ADAMTS1: variants seen among roughly 807,000 people sequenced by gnomAD.
The protein encoded by ADAMTS1 is A disintegrin and metalloproteinase with thrombospondin motifs 1.
ADAMTS1 carries 19 observed loss-of-function variants against 87.9 expected under a neutral mutation model. That is an observed-to-expected ratio of 0.22 (90% CI 0.15 to 0.32). ADAMTS1 has a LOEUF of 0.32. ADAMTS1 is among the 10% of genes least tolerant of loss of function. ADAMTS1 has a pLI of 1.00. For missense variants in ADAMTS1, 1,240 were observed against 1,259.1 expected, an observed-to-expected ratio of 0.98 and a Z score of 0.23; for synonymous variants, 542 against 501.8, an observed-to-expected ratio of 1.08 and a Z score of -1.07.
Position 26,837,766 on chromosome 21 carries a change from T to C in ADAMTS1, c.2717A>G (p.Asp906Gly), listed in dbSNP as rs762839313. The C allele has an allele frequency of 6.2e-7, 1 of 1,614,068 alleles. No homozygotes were observed. The highest frequency in any genetic ancestry group is 8.5e-7 in the Non-Finnish European group (1 of 1,180,042). ...VKPASTRPCA[D>G]HPCPQWQLGE... is the part of the protein sequence containing the mutation. ...CAGCTGCCACTGGGGGCAGGGATGG[T>C]CTGCACAAGGTCTGGTGCTGGCTGG... Residue 906 changes from aspartate to glycine, a missense_variant, in exon 9 of 9, where the codon GAC becomes GGC. Physicochemically the swap from Asp to Gly is moderately conservative, Grantham distance 94. This residue lies in a region of ADAMTS1 where 402 missense variants were observed against 399.1 expected (regional missense o/e 1.01). Coordinates refer to ENST00000284984, the MANE Select transcript of ADAMTS1 (RefSeq NM_006988.5).
In ADAMTS1 at chr21:26,844,475, C is replaced by A. The variant is rs368392030; in HGVS notation, c.480G>T (p.Pro160=). The A allele has an allele frequency of 6.9e-6, 11 of 1,586,726 alleles. No individual in the cohort carries two copies. Among genetic ancestry groups the A allele is most frequent in the Middle Eastern group, 1.7e-4 (1 of 5,946 alleles). The change falls in exon 1 of 9, where the codon CCG becomes CCT. Residue 160 remains proline, a synonymous_variant. Transcript: ENST00000284984. ...YLLGEAYFIQ[P]LPAASERLAT... The stretch of plus-strand genomic sequence containing the variant: ...CGAGGCGCTCGCTGGCGGCGGGCAG[C>A]GGCTGGATGAAATACGCCTCCCCCA...
At chr21:26,840,897 G>A in intron 4 of ADAMTS1, 101 bp downstream of exon 4, 1 of 1,372,250 alleles carries the variant, frequency 7.3e-7, no homozygotes, top group East Asian at 2.3e-5. Flanking sequence ...TAATTTTGAA[G>A]TGGGGAAAAT....
Position 26,838,176 on chromosome 21 carries a change from G to A in ADAMTS1, c.2307C>T (p.Ala769=). ...RGSRNNGSFL[A]IKAADGTYIL... is the part of the protein sequence containing the mutation. ...TATATGTGCCATCAGCAGCTTTGATGGCAAGAAAGCTGCCATTGTTCCTGG... is the reference window on the plus strand; with the variant it reads ...TATATGTGCCATCAGCAGCTTTGATAGCAAGAAAGCTGCCATTGTTCCTGG... Residue 769 remains alanine (A), a synonymous_variant, in exon 9 of 9, where the codon GCC becomes GCT. Transcript: ENST00000284984. 6.2e-7 allele frequency: 1 copy of A among 1,614,094 alleles called. No individual in the cohort carries two copies. The highest frequency in any genetic ancestry group is 8.5e-7 in the Non-Finnish European group (1 of 1,180,012).
In ADAMTS1 at chr21:26,841,003, C is replaced by T; in HGVS notation, c.1373G>A (p.Gly458Asp). The T allele has an allele frequency of 6.2e-7, 1 of 1,613,768 alleles. No homozygotes were observed. The highest frequency in any genetic ancestry group is 1.1e-5 in the South Asian group (1 of 91,060). Residue 458 changes from glycine to aspartate, a missense_variant, in exon 4 of 9, where the codon GGT (glycine) becomes GAT (aspartate). Around this residue, in one of 3 missense-constraint regions of ADAMTS1, gnomAD observed 317 missense variants for 410.3 expected, o/e 0.77. Transcript: ENST00000284984. ...GAGTAGCTGGAATATCTCACCATGA[C>T]CATTATCCAGAAATGATGTAATCAT... ...AYMITSFLDN[G>D]HGECLMDKPQ...
At chr21:26,840,656 TAGAC>T (rs1444626310) in intron 4 of ADAMTS1, 94 bp from the exon 5 acceptor site, 5 of 1,393,656 alleles carry the variant, frequency 3.6e-6, no homozygotes, top group African/African-American at 2.9e-5. Flanking sequence ...TATGAGAAAA[TAGAC>T]AGCAAAGTGA....
Position 26,844,511 on chromosome 21 carries a change from G to C in ADAMTS1, c.444C>G (p.Ala148=), listed in dbSNP as rs1410879944. ...AATACGCCTCCCCCAGCAGGTAGAA[G>C]GCGCCGCGCACGCCCTCGCAGAGGC... ...ALSLCEGVRG[A]FYLLGEAYFI... Residue 148 remains alanine, a synonymous_variant, in exon 1 of 9, where the codon GCC becomes GCG. Transcript: ENST00000284984. The C allele has an allele frequency of 1.3e-5, 20 of 1,597,714 alleles. No individual in the cohort carries two copies. The highest frequency in any genetic ancestry group is 1.7e-5 in the Admixed American group (1 of 57,942).
In ADAMTS1 at chr21:26,842,516, A is replaced by G; in HGVS notation, c.900T>C (p.Asn300=). Residue 300 remains asparagine, a synonymous_variant, in exon 2 of 9, where the codon AAT becomes AAC. Coordinates refer to ENST00000284984, the MANE Select transcript of ADAMTS1 (RefSeq NM_006988.5). ...ARLYKHPSIR[N]SVSLVVVKIL... is the part of the protein sequence containing the mutation. ...TCTTCACCACCACCAGGCTAACTGA[A>G]TTACGAATGCTGGGGTGTTTGTACA... 1 of 1,614,186 alleles carries G rather than the reference A, an allele frequency of 6.2e-7. No homozygotes were observed.
chr21:26,845,338 T>G lies in ADAMTS1; in HGVS notation c.-384A>C. The G allele has an allele frequency of 5.2e-6, 1 of 192,140 alleles. No individual in the cohort carries two copies. Among genetic ancestry groups the G allele is most frequent in the Non-Finnish European group, 1.1e-5 (1 of 95,078 alleles). 11.9% of individuals were successfully genotyped at this position (192,140 alleles called of 1,614,324 possible). A position where few individuals can be genotyped will look rare whatever the true frequency, so the allele number is the denominator to read the frequency against. On this transcript the variant is annotated 5_prime_UTR_variant, in exon 1 of 9. Transcript: ENST00000284984. ...ATGTTGCTCACTCTGCTCAGGGCTC[T>G]CCCCTCTCCGTCCGGTAGCGCACCC...
At position 26,837,949 on chromosome 21, in the gene ADAMTS1, T is replaced by C. The variant is rs1422668081; in HGVS notation, c.2534A>G (p.Lys845Arg). 1.2e-6 allele frequency: 2 copies of C among 1,614,246 alleles called. No homozygotes were observed. Among genetic ancestry groups the C allele is most frequent in the Non-Finnish European group, 1.7e-6 (2 of 1,180,050 alleles). The change falls in exon 9 of 9, where the codon AAG becomes AGG. Residue 845 changes from lysine (K) to arginine (R), a missense_variant. This residue lies in a region of ADAMTS1 where 402 missense variants were observed against 399.1 expected (regional missense o/e 1.01). Transcript: ENST00000284984. ...KIKYTYFVKK[K>R]KESFNAIPTF... The stretch of plus-strand genomic sequence containing the variant: ...GGGGATAGCATTGAAAGATTCCTTC[T>C]TCTTCTTTACGAAGTAGGTGTATTT...
rs751984218 is a variant in ADAMTS1 at position 26,837,955 on chromosome 21, T to C, written c.2528A>G (p.Lys843Arg). ...RPKIKYTYFV[K>R]KKKESFNAIP... ...AGCATTGAAAGATTCCTTCTTCTTC[T>C]TTACGAAGTAGGTGTATTTAATTTT... The change falls in exon 9 of 9, where the codon AAG becomes AGG. Residue 843 changes from lysine to arginine, a missense_variant. Lys to Arg is a conservative substitution (Grantham distance 26). This residue lies in a region of ADAMTS1 where 402 missense variants were observed against 399.1 expected (regional missense o/e 1.01). Coordinates refer to ENST00000284984, the MANE Select transcript of ADAMTS1 (RefSeq NM_006988.5). 6.8e-6 allele frequency: 11 copies of C among 1,614,102 alleles called. No individual in the cohort carries two copies. In the East Asian group the frequency reaches 2.2e-4, roughly 33 times the overall value.
Position 26,837,568 on chromosome 21 carries a change from A to G in ADAMTS1, c.*11T>C. The G allele has an allele frequency of 6.2e-7, 1 of 1,612,402 alleles. No individual in the cohort carries two copies. The highest frequency in any genetic ancestry group is 8.5e-7 in the Non-Finnish European group (1 of 1,179,012). On this transcript the variant is annotated 3_prime_UTR_variant, in exon 9 of 9. Transcript: ENST00000284984. ...TTGCCTTGCCCTCAAAGCTAACACC[A>G]CTTAAACCACTTAACTGCATTCTGC...
Position 26,844,756 on chromosome 21 carries a change from G to C in ADAMTS1, c.199C>G (p.Arg67Gly), listed in dbSNP as rs775652168. The change falls in exon 1 of 9, where the codon CGC becomes GGC. Residue 67 changes from arginine to glycine, a missense_variant. This residue lies in a region of ADAMTS1 where 521 missense variants were observed against 449.7 expected (regional missense o/e 1.16). Transcript: ENST00000284984. ...DEELVVPELE[R>G]APGHGTTRLR... is the part of the protein sequence containing the mutation. ...CGCGTGGTCCCGTGTCCCGGGGCGC[G>C]CTCCAGCTCCGGCACCACTAGCTCC... 5 of 1,554,402 alleles carry C rather than the reference G, an allele frequency of 3.2e-6. No homozygotes were observed. Among genetic ancestry groups the C allele is most frequent in the Middle Eastern group, 1.7e-4 (1 of 5,958 alleles).
At chr21:26,840,193 T>C (rs1232849454) in intron 5 of ADAMTS1, 83 bp downstream of exon 5, 6 of 1,562,526 alleles carry the variant, frequency 3.8e-6, no homozygotes, top group East Asian at 2.3e-5. Flanking sequence ...AGGACACGGA[T>C]GGGGATGTTT....
chr21:26,840,085 G>T, intron 5 of ADAMTS1, 24 bp from the exon 6 acceptor site: 1 of 1,602,382 alleles, frequency 6.2e-7, no homozygotes. Flanking sequence ...TAAATCATCA[G>T]CATTAGAATT....
rs1970194583 is a variant in ADAMTS1, at chr21:26,840,502, G to A, written c.1439C>T (p.Thr480Ile). ...PIQLPGDLPG[T>I]SYDANRQCQF... ...GCACTGCCGGTTGGCATCGTACGAG[G>A]TGCCAGGGAGATCGCCTGGGAGCTG... The change falls in exon 5 of 9, where the codon ACC (threonine) becomes ATC (isoleucine). Residue 480 changes from threonine to isoleucine, a missense_variant. By Grantham distance (89) the Thr-to-Ile change is moderately conservative. Around this residue, in one of 3 missense-constraint regions of ADAMTS1, gnomAD observed 317 missense variants for 410.3 expected, o/e 0.77. Coordinates refer to ENST00000284984, the MANE Select transcript of ADAMTS1 (RefSeq NM_006988.5). 1.2e-6 allele frequency: 2 copies of A among 1,614,232 alleles called. No homozygotes were observed. The highest frequency in any genetic ancestry group is 1.7e-6 in the Non-Finnish European group (2 of 1,180,042).
chr21:26,838,282 C>T lies in ADAMTS1; in HGVS notation c.2205-4G>A, dbSNP rs745779076. 1.7e-5 allele frequency: 27 copies of T among 1,595,938 alleles called. No individual in the cohort carries two copies. The highest frequency in any genetic ancestry group is 2.3e-5 in the Non-Finnish European group (27 of 1,169,802). The stretch of plus-strand genomic sequence containing the variant: ...GATGATATCATGATATCCAGGTCTG[C>T]AGGTGACAAAAACAGGCATAAATCT... On this transcript the variant is annotated splice_region_variant and splice_polypyrimidine_tract_variant and intron_variant, in intron 8 of 8. Transcript: ENST00000284984.
intron 7 of ADAMTS1, chr21:26,839,143 T>C (rs1357708914): frequency 6.3e-6 from 1 of 159,908 alleles, no homozygotes; most frequent in Non-Finnish European, 1.4e-5. Context: ...ATAAAAATAA[T>C]CAATACTCAG....
At position 26,841,120 on chromosome 21, in the gene ADAMTS1, C is replaced by G; in HGVS notation, c.1256G>C (p.Ser419Thr). 1 of 1,614,168 alleles carries G rather than the reference C, an allele frequency of 6.2e-7. No individual in the cohort carries two copies. Among genetic ancestry groups the G allele is most frequent in the Non-Finnish European group, 8.5e-7 (1 of 1,180,034 alleles). The change falls in exon 4 of 9, where the codon AGC becomes ACC. Residue 419 changes from serine to threonine, a missense_variant. Transcript: ENST00000284984. ...GGAATCCTGGTTCACACCATTAAGG[C>G]TGGCACACTGCTTTGCATCATCATG... Reference protein sequence around the residue: ...MPHDDAKQCASLNGVNQDSHM... With the variant: ...MPHDDAKQCATLNGVNQDSHM...
In ADAMTS1 at chr21:26,837,807, A is replaced by G. The variant is rs1985401899; in HGVS notation, c.2676T>C (p.Cys892=). 1.2e-6 allele frequency: 2 copies of G among 1,614,078 alleles called. No individual in the cohort carries two copies. The highest frequency in any genetic ancestry group is 1.7e-6 in the Non-Finnish European group (2 of 1,180,020). The stretch of plus-strand genomic sequence containing the variant: ...TGCTGGCTGGCTTCACTTCCTTTGC[A>G]CACTCGGAAGCAGGCTGTCCATTAA... ...RDINGQPASE[C]AKEVKPASTR... The change falls in exon 9 of 9, where the codon TGT becomes TGC. Residue 892 remains cysteine, a synonymous_variant. Transcript: ENST00000284984.
Sources: allele counts gnomAD v4.1 joint callset, GRCh38; gene constraint gnomAD v4.1.1; regional missense constraint gnomAD v4.1.1; transcripts MANE v1.5; gene names NCBI Gene and HGNC (gene_info 2026-07-23, HGNC 2026-07-21).